TMIE: variants seen among roughly 807,000 people sequenced by gnomAD.
The protein encoded by TMIE is transmembrane inner ear expressed protein.
A neutral mutation model predicts 16.8 loss-of-function variants in TMIE; 14 were observed. The observed-to-expected ratio is 0.83, with a 90% confidence interval of 0.55 to 1.30. The LOEUF (loss-of-function observed/expected upper bound fraction) is 1.30. Ranked by LOEUF, TMIE falls within the 50% of genes most tolerant of loss-of-function variation. TMIE has a pLI of 0.00. For synonymous variants in TMIE, 75 were observed against 87.2 expected (o/e 0.86, Z 0.78); for missense variants, 204 against 205.9 (o/e 0.99, Z 0.06).
Position 46,702,127 on chromosome 3 carries a change from TGAG to T in TMIE, c.93+551_93+553del, listed in dbSNP as rs1161252459. ...AAGTTGGAGGGTGGGGGCAGCAGGA[TGAG>T]GAGACCCTTTACAGAGAAGCTATGT... On this transcript the variant is annotated intron_variant, in intron 1 of 3. Transcript: ENST00000643606. Among the ~76,000 whole-genome samples, 19 of 151,926 alleles carry T rather than the reference TGAG, an allele frequency of 1.3e-4. No individual in the cohort carries two copies. The East Asian group carries it at 3.7e-3, about 29-fold the overall frequency.
At chr3:46,699,057 C>CTTTTTTTTTTTTTTTTTTTTTTTTT (rs1246748003), upstream of TMIE, among the ~76,000 whole-genome samples, 1 of 65,292 alleles carries the variant, frequency 1.5e-5, no homozygotes, top group African/African-American at 5.4e-5. Context: ...AATGGTGTTT[C>CTTTTTTTTTTTTTTTTTTTTTTTTT]TTATTTTTTT....
At chr3:46,702,098 T>C (rs1700484412) in intron 1 of TMIE, among the ~76,000 whole-genome samples, 1 of 152,102 alleles carries the variant, frequency 6.6e-6, no homozygotes, top group African/African-American at 2.4e-5. Context: ...GACGAGGGCA[T>C]TCCAAGTTGG....
chr3:46,699,616 T>A (rs1313502353), upstream of TMIE, among the ~76,000 whole-genome samples: 2 of 152,006 alleles, frequency 1.3e-5, no homozygotes, highest in African/African-American at 2.4e-5. Flanking sequence ...TGTTCAGGAG[T>A]CTGCAGAGAA....
chr3:46,706,721 G>A (rs1207422078), intron 2 of TMIE, among the ~76,000 whole-genome samples: 1 of 152,214 alleles, frequency 6.6e-6, no homozygotes, highest in African/African-American at 2.4e-5. Context: ...GGGTAGGTGG[G>A]GTTTTGCAGG....
chr3:46,706,974 T>A (rs1331196738), intron 2 of TMIE, among the ~76,000 whole-genome samples: 1 of 152,158 alleles, frequency 6.6e-6, no homozygotes, highest in Non-Finnish European at 1.5e-5. Context: ...TGACATCTGA[T>A]TTGCACGTGC....
chr3:46,698,652 G>A (rs1256517047), upstream of TMIE, among the ~76,000 whole-genome samples: 1 of 152,126 alleles, frequency 6.6e-6, no homozygotes, highest in Admixed American at 6.5e-5. Flanking sequence ...AGGGTTCACA[G>A]CCGGCAGTAT....
chr3:46,706,037 G>C, intron 2 of TMIE, 130 bp downstream of exon 2: 1 of 951,760 alleles, frequency 1.1e-6, no homozygotes. Context: ...GACCCGCGGT[G>C]GTTTCTGGCA....
At chr3:46,699,789 G>A (rs1700448344), upstream of TMIE, among the ~76,000 whole-genome samples, 1 of 152,202 alleles carries the variant, frequency 6.6e-6, no homozygotes, top group African/African-American at 2.4e-5. Flanking sequence ...CTGTGATTGG[G>A]AGCCTGTAAG....
At chr3:46,694,670 G>A (rs1244038438) in intron 1 of TMIE, 2 of 152,288 alleles carry the variant, frequency 1.3e-5, no homozygotes, top group Non-Finnish European at 2.9e-5. Flanking sequence ...CCCTTGGGTT[G>A]TTGCGAGGTG....
At chr3:46,698,083 T>C (rs1173378029), upstream of TMIE, among the ~76,000 whole-genome samples, 3 of 151,964 alleles carry the variant, frequency 2.0e-5, no homozygotes, top group Non-Finnish European at 4.4e-5. Flanking sequence ...TGAGATGGAG[T>C]CTTGCTTTCG....
Position 46,705,834 on chromosome 3 carries a change from G to A in TMIE, c.138G>A (p.Lys46=), listed in dbSNP as rs1199746317. The A allele has an allele frequency of 6.2e-7, 1 of 1,614,130 alleles. No homozygotes were observed. Among genetic ancestry groups the A allele is most frequent in the Non-Finnish European group, 8.5e-7 (1 of 1,180,036 alleles). ...AGCCCAAGCCGCCTCCGCTGACCAA[G>A]GAGACAGTGGTGTTCTGGGACATGC... ...PPKPKPPPLT[K]ETVVFWDMRL... is the part of the protein sequence containing the mutation. The change falls in exon 2 of 4, where the codon AAG becomes AAA. Residue 46 remains lysine (K), a synonymous_variant. Transcript: ENST00000643606.
In TMIE at chr3:46,705,884, T is replaced by C; in HGVS notation, c.188T>C (p.Phe63Ser). 6.2e-7 allele frequency: 1 copy of C among 1,614,130 alleles called. No homozygotes were observed. The highest frequency in any genetic ancestry group is 8.5e-7 in the Non-Finnish European group (1 of 1,180,016). ...DMRLWHVVGI[F>S]SLFVLSIIIT... The stretch of plus-strand genomic sequence containing the variant: ...CGCCTGTGGCACGTGGTGGGCATCT[T>C]TTCGCTCTTCGTGTTGTCCATCAGT... The change falls in exon 2 of 4, where the codon TTT (phenylalanine) becomes TCT (serine). Residue 63 changes from phenylalanine (F) to serine (S), a missense_variant. Physicochemically the swap from Phe to Ser is radical, Grantham distance 155 (BLOSUM62 -2). Transcript: ENST00000643606.
intron 1 of TMIE, among the ~76,000 whole-genome samples, chr3:46,704,488 TGCCCAGGGCAGGACCGTGTCCCCTAGAC>T (rs1559496024): frequency 2.4e-5 from 3 of 122,800 alleles, no homozygotes; most frequent in East Asian, 2.8e-4. Context: ...TGTCCCTAGA[TGCCCAGGGCAGGACCGTGTCCCCTAGAC>T]GCCCAGGGCA....
intron 1 of TMIE, among the ~76,000 whole-genome samples, chr3:46,696,143 T>A (rs1700410275): frequency 6.6e-6 from 1 of 152,184 alleles, no homozygotes; most frequent in African/African-American, 2.4e-5. Context: ...GGTGGGTCCC[T>A]GTGCCACATG....
chr3:46,704,743 GC>G (rs771248018), intron 1 of TMIE, among the ~76,000 whole-genome samples: 3 of 52,522 alleles, frequency 5.7e-5, no homozygotes, highest in East Asian at 4.7e-4. Flanking sequence ...GACACCCAGG[GC>G]AGGACCATGT....
At chr3:46,706,703 C>G (rs999999780) in intron 2 of TMIE, among the ~76,000 whole-genome samples, 1 of 151,982 alleles carries the variant, frequency 6.6e-6, no homozygotes, top group Admixed American at 6.6e-5. Flanking sequence ...AGCTGCAGAC[C>G]GGTGGGAGGG....
At chr3:46,707,792 G>A (rs543511092) in intron 2 of TMIE, among the ~76,000 whole-genome samples, 10 of 152,220 alleles carry the variant, frequency 6.6e-5, no homozygotes, top group South Asian at 2.1e-4. Context: ...CCAGCCTCCC[G>A]GGGCCTGGGA....
intron 1 of TMIE, among the ~76,000 whole-genome samples, chr3:46,696,014 C>A (rs1301496359): frequency 6.6e-6 from 1 of 152,162 alleles, no homozygotes; most frequent in East Asian, 1.9e-4. Flanking sequence ...AGTCCACCTG[C>A]CTTCAGTCCC....
upstream of TMIE, among the ~76,000 whole-genome samples, chr3:46,697,079 T>C (rs1700417445): frequency 6.6e-6 from 1 of 152,006 alleles, no homozygotes; most frequent in Non-Finnish European, 1.5e-5. Flanking sequence ...CTTAAATTCC[T>C]CACTGAAAAG....
Sources: allele counts gnomAD v4.1 joint callset (sites outside exome capture counted in the v4.1 genomes callset), GRCh38; gene constraint gnomAD v4.1.1; transcripts MANE v1.5; gene names NCBI Gene and HGNC (gene_info 2026-07-23, HGNC 2026-07-21).